Variants in UMOD observed in about 807,000 individuals in gnomAD.
UMOD encodes the protein uromodulin, also known as Tamm-Horsfall urinary glycoprotein.
A neutral mutation model predicts 66.0 loss-of-function variants in UMOD; 64 were observed. The ratio of observed to expected loss-of-function variants is 0.97; its 90% CI spans 0.79 to 1.19. UMOD has a LOEUF of 1.19. Ranked by LOEUF, UMOD falls within the 50% of genes most tolerant of loss-of-function variation. UMOD has a pLI of 0.00. For missense variants in UMOD, 764 were observed against 850.9 expected, an observed-to-expected ratio of 0.90 and a Z score of 1.27; for synonymous variants, 398 against 352.7, an observed-to-expected ratio of 1.13 and a Z score of -1.44.
chr16:20,352,520 A>G (rs1231971615), intron 1 of UMOD, 169 bp downstream of exon 1: 8 of 427,808 alleles, frequency 1.9e-5, no homozygotes, highest in Admixed American at 1.8e-4. Flanking sequence ...AGAGAGGATC[A>G]AAGAGAGGAA....
intron 6 of UMOD, among the ~76,000 whole-genome samples, chr16:20,342,808 T>G (rs1965308705): frequency 6.6e-6 from 1 of 152,222 alleles, no homozygotes; most frequent in Admixed American, 6.5e-5. Flanking sequence ...CTGGCTATAA[T>G]GCCTGAGATA....
At chr16:20,347,291 G>A (rs906891446) in intron 4 of UMOD, among the ~76,000 whole-genome samples, 2 of 152,166 alleles carry the variant, frequency 1.3e-5, no homozygotes, top group African/African-American at 4.8e-5. Flanking sequence ...CCAAAGTGCT[G>A]GGATTACAGG....
At chr16:20,337,661 T>C (rs773111703) in intron 7 of UMOD, among the ~76,000 whole-genome samples, 3 of 152,222 alleles carry the variant, frequency 2.0e-5, no homozygotes, top group Non-Finnish European at 4.4e-5. Context: ...AATTCGTTAA[T>C]TTCTCAAAGT....
chr16:20,344,341 G>A (rs1387369463), intron 5 of UMOD, among the ~76,000 whole-genome samples, 169 bp from the exon 6 acceptor site: 1 of 152,094 alleles, frequency 6.6e-6, no homozygotes, highest in Non-Finnish European at 1.5e-5. Flanking sequence ...ATTAGCTCAC[G>A]CTTGTAATCC....
upstream of UMOD, among the ~76,000 whole-genome samples, chr16:20,355,122 C>T (rs1966010717): frequency 6.6e-6 from 1 of 152,136 alleles, no homozygotes; most frequent in South Asian, 2.1e-4. Flanking sequence ...CTGACCGACC[C>T]TGGTACTTCC....
chr16:20,342,472 C>T (rs1377219574), intron 6 of UMOD: 1 of 152,342 alleles, frequency 6.6e-6, no homozygotes, highest in African/African-American at 2.4e-5. Context: ...GAGGTTCCAG[C>T]CAACAGCTTG....
At chr16:20,355,187 T>A (rs1465467643), upstream of UMOD, among the ~76,000 whole-genome samples, 1 of 152,122 alleles carries the variant, frequency 6.6e-6, no homozygotes, top group Non-Finnish European at 1.5e-5. Context: ...TGTCCCCTTC[T>A]CTTGGGATCT....
chr16:20,342,962 T>A (rs2141653664), intron 6 of UMOD, among the ~76,000 whole-genome samples: 1 of 152,130 alleles, frequency 6.6e-6, no homozygotes, highest in Non-Finnish European at 1.5e-5. Context: ...AAACCCCGTC[T>A]CTACTAAAAA....
chr16:20,345,713 C>T (rs1965543283), intron 5 of UMOD, among the ~76,000 whole-genome samples: 1 of 151,916 alleles, frequency 6.6e-6, no homozygotes, highest in Admixed American at 6.6e-5. Flanking sequence ...GGTCCTGATT[C>T]TCTGTACATT....
In UMOD at chr16:20,349,193, G is replaced by A; in HGVS notation, c.108C>T (p.His36=). 1.2e-6 allele frequency: 2 copies of A among 1,613,672 alleles called. No individual in the cohort carries two copies. The highest frequency in any genetic ancestry group is 2.2e-5 in the South Asian group (2 of 91,034). ...TSEARWCSEC[H]SNATCTEDEA... is the part of the protein sequence containing the mutation. ...CATCCTCCGTGCAGGTGGCATTGCT[G>A]TGACATTCAGAGCACCATCCTGTGG... Residue 36 remains histidine, a synonymous_variant, in exon 3 of 11, where the codon CAC becomes CAT. Coordinates refer to ENST00000396138, the MANE Select transcript of UMOD (RefSeq NM_003361.4).
intron 1 of UMOD, chr16:20,351,108 T>C (rs924912440): frequency 1.7e-5 from 6 of 350,146 alleles, no homozygotes; most frequent in African/African-American, 1.1e-4. Context: ...AGTAGCCAGA[T>C]GGAATAGTGT....
chr16:20,351,192 T>C lies in UMOD; in HGVS notation c.-102-353A>G, dbSNP rs376467592. 13 of 252,876 alleles carry C rather than the reference T, an allele frequency of 5.1e-5. 1 individual carries two copies. The East Asian group carries it at 1.1e-3, about 21-fold the overall frequency. 15.7% of individuals were successfully genotyped at this position (252,876 alleles called of 1,614,324 possible). On this transcript the variant is annotated intron_variant, in intron 1 of 10. Transcript: ENST00000396138. ...TCTGCCTGGAAACTTTCAATTTGCC[T>C]GGATCACTTATTCATTCAACAAACA...
chr16:20,342,383 G>A (rs1181140403), intron 6 of UMOD: 1 of 152,438 alleles, frequency 6.6e-6, no homozygotes, highest in Non-Finnish European at 1.5e-5. Context: ...ACAGAGAGAT[G>A]TGGGCACACT....
chr16:20,350,304 G>C (rs893678360), intron 2 of UMOD, among the ~76,000 whole-genome samples: 13 of 152,134 alleles, frequency 8.5e-5, no homozygotes, highest in African/African-American at 3.1e-4. Context: ...GTATGTTTCT[G>C]ACTTCCAATA....
chr16:20,342,105 G>A (rs926681927), intron 6 of UMOD, among the ~76,000 whole-genome samples: 1 of 152,190 alleles, frequency 6.6e-6, no homozygotes, highest in East Asian at 1.9e-4. Flanking sequence ...AATACTTTAG[G>A]AGGCATACGC....
At chr16:20,355,850 C>T (rs902624711), upstream of UMOD, among the ~76,000 whole-genome samples, 2 of 152,142 alleles carry the variant, frequency 1.3e-5, no homozygotes, top group African/African-American at 2.4e-5. Context: ...AACACAACAA[C>T]CCACGTCACA....
At chr16:20,351,060 A>G (rs1965866796) in intron 1 of UMOD, 2 of 397,758 alleles carry the variant, frequency 5.0e-6, no homozygotes, top group Non-Finnish European at 9.5e-6. Flanking sequence ...TTCTCAGCAC[A>G]TTGCACATTT....
rs1596540719 is a variant in UMOD, at chr16:20,337,311, T to C, written c.1720A>G (p.Met574Val). Residue 574 changes from methionine to valine, a missense_variant, in exon 8 of 11, where the codon ATG becomes GTG. Transcript: ENST00000396138. The part of the protein sequence containing the change: ...LHCEVYLCDT[M>V]NEKCKPTCSG... Reference sequence around the variant, plus strand: ...CTCACAGGCTTGCACTTTTCATTCATGGTGTCACAGAGATAGACTTCACAG... The same window carrying C: ...CTCACAGGCTTGCACTTTTCATTCACGGTGTCACAGAGATAGACTTCACAG... The C allele has an allele frequency of 1.9e-6, 3 of 1,614,208 alleles. No individual in the cohort carries two copies. The South Asian group carries it at 3.3e-5, about 18-fold the overall frequency.
Position 20,352,675 on chromosome 16 carries a change from A to G in UMOD, c.-103+14T>C, listed in dbSNP as rs1965954450. The G allele has an allele frequency of 8.1e-7, 1 of 1,231,500 alleles. No individual in the cohort carries two copies. The highest frequency in any genetic ancestry group is 1.6e-5 in the African/African-American group (1 of 64,410). The allele number at this position is 1,231,500 out of a possible 1,614,324, so 76.3% of individuals were successfully genotyped here. A position where few individuals can be genotyped will look rare whatever the true frequency, so the allele number is the denominator to read the frequency against. ...GAAGCTGGGCTAGGAGAAGACAGCT[A>G]CAGATAGCCTTACCTGAAGCCAGAA... On this transcript the variant is annotated intron_variant, in intron 1 of 10. Coordinates refer to ENST00000396138, the MANE Select transcript of UMOD (RefSeq NM_003361.4).
Sources: gnomAD v4.1 joint callset for allele counts (sites outside exome capture counted in the v4.1 genomes callset) on GRCh38, gnomAD v4.1.1 for gene constraint, MANE v1.5 for transcripts, NCBI Gene and HGNC (gene_info 2026-07-23, HGNC 2026-07-21) for gene names.